Variants in MYO9B observed in about 807,000 individuals in gnomAD.
MYO9B encodes myosin IXB, also known as unconventional myosin-IXb.
A neutral mutation model predicts 229.5 loss-of-function variants in MYO9B; 71 were observed. The ratio of observed to expected loss-of-function variants is 0.31; its 90% CI spans 0.26 to 0.38. MYO9B has a LOEUF of 0.38. MYO9B is among the 10% of genes least tolerant of loss of function. The pLI is 1.00. For synonymous variants in MYO9B, 1,185 were observed against 1,235.8 expected (o/e 0.96, Z 0.86); for missense variants, 2,255 against 2,920.5 (o/e 0.77, Z 5.25).
rs142534843 is a variant in MYO9B, at chr19:17,102,407, C to T, written c.690C>T (p.Arg230=). 2.9e-4 allele frequency: 468 copies of T among 1,613,974 alleles called. 1 individual carries two copies. The East Asian group carries it at 8.1e-3, about 28-fold the overall frequency. Residue 230 remains arginine (R), a synonymous_variant, in exon 2 of 40, where the codon CGC becomes CGT. Coordinates refer to ENST00000682292, the MANE Select transcript of MYO9B (RefSeq NM_004145.4). The part of the protein sequence containing the change: ...DVAYYTMLRK[R]VNQCIVISGE... ...CCTACTACACCATGCTCAGGAAGCG[C>T]GTGAACCAGTGCATCGTGATCTCGG...
chr19:17,188,149 C>A, intron 19 of MYO9B, 104 bp downstream of exon 19: 2 of 1,038,854 alleles, frequency 1.9e-6, no homozygotes, highest in Non-Finnish European at 1.4e-6. Flanking sequence ...AGCAGGTTGG[C>A]CAGGTGCAGT....
chr19:17,149,412 C>G (rs2072452817), intron 3 of MYO9B, among the ~76,000 whole-genome samples: 1 of 152,206 alleles, frequency 6.6e-6, no homozygotes, highest in African/African-American at 2.4e-5. Flanking sequence ...CGACCTTCCC[C>G]AGGCTCCCAT....
chr19:17,102,750 A>AG (rs2057757665), intron 2 of MYO9B, among the ~76,000 whole-genome samples, 193 bp downstream of exon 2: 1 of 151,142 alleles, frequency 6.6e-6, no homozygotes, highest in African/African-American at 2.4e-5. Flanking sequence ...AAAAAAAAAA[A>AG]TAATTAGCCA....
At chr19:17,098,052 C>A (rs897813740) in intron 1 of MYO9B, among the ~76,000 whole-genome samples, 3 of 150,768 alleles carry the variant, frequency 2.0e-5, no homozygotes, top group African/African-American at 7.3e-5. Context: ...AGAACCCCCC[C>A]CCCCCACCTT....
intron 2 of MYO9B, among the ~76,000 whole-genome samples, chr19:17,133,829 C>T (rs558938909): frequency 2.0e-4 from 31 of 152,170 alleles, no homozygotes; most frequent in East Asian, 1.9e-4. Context: ...GGCACCATCT[C>T]GGCTCACTGC....
At chr19:17,156,026 A>C (rs2072533269) in intron 6 of MYO9B, among the ~76,000 whole-genome samples, 2 of 151,342 alleles carry the variant, frequency 1.3e-5, no homozygotes, top group South Asian at 4.2e-4. Flanking sequence ...TCTCAAAAAA[A>C]AAAAAAAAAG....
intron 1 of MYO9B, among the ~76,000 whole-genome samples, chr19:17,094,096 C>T (rs1283681564): frequency 1.5e-5 from 2 of 133,226 alleles, no homozygotes; most frequent in Non-Finnish European, 1.6e-5. Context: ...AGTGCAATGG[C>T]GCAATCTCGG....
intron 8 of MYO9B, among the ~76,000 whole-genome samples, chr19:17,161,597 C>T (rs968419114): frequency 2.0e-5 from 3 of 152,124 alleles, no homozygotes; most frequent in Non-Finnish European, 4.4e-5. Context: ...AGGCAGATCG[C>T]TTGAGGCCAT....
intron 2 of MYO9B, among the ~76,000 whole-genome samples, chr19:17,124,235 G>A (rs767289542): frequency 1.3e-4 from 19 of 151,826 alleles, no homozygotes; most frequent in Non-Finnish European, 2.6e-4. Context: ...GTACACACTT[G>A]TAATCCCAGC....
intron 26 of MYO9B, 78 bp downstream of exon 26, chr19:17,200,907 A>G: frequency 6.7e-7 from 1 of 1,488,440 alleles, no homozygotes; most frequent in Non-Finnish European, 9.3e-7. Context: ...TTGTTTTCTG[A>G]AACACACAAC....
chr19:17,143,029 A>G (rs1413515522), intron 2 of MYO9B, among the ~76,000 whole-genome samples: 1 of 152,150 alleles, frequency 6.6e-6, no homozygotes, highest in Non-Finnish European at 1.5e-5. Context: ...ACCTGAGGTC[A>G]GGAGTTCGAG....
At position 17,200,337 on chromosome 19, in the gene MYO9B, A is replaced by G; in HGVS notation, c.4283A>G (p.Lys1428Arg). 2 of 1,613,380 alleles carry G rather than the reference A, an allele frequency of 1.2e-6. No individual in the cohort carries two copies. The highest frequency in any genetic ancestry group is 1.7e-6 in the Non-Finnish European group (2 of 1,179,634). The change falls in exon 25 of 40, where the codon AAA becomes AGA. Residue 1428 changes from lysine (K) to arginine (R), a missense_variant. This residue lies in a region of MYO9B where 679 missense variants were observed against 770.2 expected (regional missense o/e 0.88). Coordinates refer to ENST00000682292, the MANE Select transcript of MYO9B (RefSeq NM_004145.4). ...RLFLHKTKDKKYSLEGAEELE... is the reference protein window; with the variant it reads ...RLFLHKTKDKRYSLEGAEELE... ...TTTCTGCATAAAACCAAGGATAAAA[A>G]ATACAGCCTGGAGGGCGCAGAGGAG...
Position 17,212,751 on chromosome 19 carries a change from C to A in MYO9B, c.*441C>A, listed in dbSNP as rs2073245821. 6.3e-6 allele frequency: 1 copy of A among 158,200 alleles called. No homozygotes were observed. The highest frequency in any genetic ancestry group is 6.4e-5 in the Admixed American group (1 of 15,556). 9.8% of individuals were successfully genotyped at this position (158,200 alleles called of 1,614,324 possible). A position where few individuals can be genotyped will look rare whatever the true frequency, so the allele number is the denominator to read the frequency against. On this transcript the variant is annotated 3_prime_UTR_variant, in exon 40 of 40. Transcript: ENST00000682292. The surrounding 1 kb of genome is among the most constrained non-coding windows in gnomAD (Gnocchi z 5.4). ...AGCTGTCAGAGCAGAAGCCACTAGG[C>A]CACTGCGCGTCTGAGGCTCAGACCC...
rs182861366 is a variant in MYO9B, at chr19:17,201,859, G to A, written c.4564-67G>A. ...AAGAGAGGATAGAAGTGACCCCTTG[G>A]GCACCTCCTCGGGTACGCAGGTCCC... is the stretch of plus-strand genomic sequence containing the variant. On this transcript the variant is annotated intron_variant, in intron 26 of 39. Transcript: ENST00000682292. 4.9e-5 allele frequency: 59 copies of A among 1,206,570 alleles called. No homozygotes were observed. In the East Asian group the frequency reaches 1.4e-3, roughly 28 times the overall value. 74.7% of individuals were successfully genotyped at this position (1,206,570 alleles called of 1,614,324 possible). A position where few individuals can be genotyped will look rare whatever the true frequency, so the allele number is the denominator to read the frequency against.
intron 21 of MYO9B, among the ~76,000 whole-genome samples, chr19:17,194,145 C>T (rs2073015228): frequency 6.6e-6 from 1 of 151,198 alleles, no homozygotes; most frequent in African/African-American, 2.4e-5. Context: ...GCATTCCAGC[C>T]TGGACAACAG....
chr19:17,136,899 C>T (rs1391852913), intron 2 of MYO9B, among the ~76,000 whole-genome samples: 1 of 152,116 alleles, frequency 6.6e-6, no homozygotes, highest in Non-Finnish European at 1.5e-5. Flanking sequence ...CCAGACCAAC[C>T]TGGGTAACAC....
chr19:17,206,286 G>A lies in MYO9B; in HGVS notation c.5296G>A (p.Ala1766Thr), dbSNP rs765886034. Residue 1766 changes from alanine (A) to threonine (T), a missense_variant, in exon 33 of 40, where the codon GCC becomes ACC. By Grantham distance (58) the Ala-to-Thr change is moderately conservative (BLOSUM62 0). This residue lies in a region of MYO9B where 416 missense variants were observed against 605.5 expected (regional missense o/e 0.69). Coordinates refer to ENST00000682292, the MANE Select transcript of MYO9B (RefSeq NM_004145.4). Reference sequence around the variant, plus strand: ...CAAGCTGGAGAACTTCCCCATCCACGCCATCACAGGGGTGCTGAAGCAGTG... The same window carrying A: ...CAAGCTGGAGAACTTCCCCATCCACACCATCACAGGGGTGCTGAAGCAGTG... Reference protein sequence around the residue: ...AVKLENFPIHAITGVLKQWLR... With the variant: ...AVKLENFPIHTITGVLKQWLR... 2.1e-5 allele frequency: 30 copies of A among 1,429,116 alleles called. No homozygotes were observed. The highest frequency in any genetic ancestry group is 6.6e-5 in the East Asian group (2 of 30,470). The allele number at this position is 1,429,116 out of a possible 1,614,324, so 88.5% of individuals were successfully genotyped here. A position where few individuals can be genotyped will look rare whatever the true frequency, so the allele number is the denominator to read the frequency against.
At chr19:17,211,606 C>T (rs8101691) in intron 38 of MYO9B, 41 bp from the exon 39 acceptor site, 190,493 of 1,539,894 alleles carry the variant, frequency 0.12, 12,589 homozygotes, top group African/African-American at 0.19. Flanking sequence ...CCAGCACTTC[C>T]GGTGGGGTGG....
At chr19:17,093,701 G>T (rs991370700) in intron 1 of MYO9B, among the ~76,000 whole-genome samples, 2 of 131,662 alleles carry the variant, frequency 1.5e-5, no homozygotes, top group South Asian at 2.7e-4. Context: ...GGTGGGGGGG[G>T]GGGTGGTTTG....
Sources: gnomAD v4.1 joint callset for allele counts (sites outside exome capture counted in the v4.1 genomes callset) on GRCh38, gnomAD v4.1.1 for gene constraint, gnomAD v4.1.1 regional missense constraint, Gnocchi (gnomAD v3.1) non-coding constraint, MANE v1.5 for transcripts, NCBI Gene and HGNC (gene_info 2026-07-23, HGNC 2026-07-21) for gene names.